Variants in ERG28 observed in about 807,000 individuals in gnomAD.
ERG28 encodes the protein ergosterol biosynthetic protein 28 homolog.
ERG28 carries 9 observed loss-of-function variants against 15.7 expected under a neutral mutation model. That is an observed-to-expected ratio of 0.57 (90% CI 0.35 to 1.00). The LOEUF (loss-of-function observed/expected upper bound fraction) is 1.00, where lower values mean the gene tolerates loss of function less well. Ranked by LOEUF, ERG28 falls within the 50% of genes least tolerant of loss-of-function variation. The pLI, the probability that ERG28 is intolerant of heterozygous loss-of-function variation, is 0.02. For synonymous variants in ERG28, 61 were observed against 68.4 expected (o/e 0.89, Z 0.53); for missense variants, 117 against 173.3 (o/e 0.68, Z 1.82).
In ERG28 at chr14:75,651,584, G is replaced by T. The variant is rs764778066; in HGVS notation, c.394C>A (p.Pro132Thr). Residue 132 changes from proline to threonine, a missense_variant, in exon 5 of 5, where the codon CCA (proline) becomes ACA (threonine). Coordinates refer to ENST00000256319, the MANE Select transcript of ERG28 (RefSeq NM_007176.4). ...LVGLRYLEVE[P>T]VSRQKKRN ...TTTCTCTTCTTCTGTCTGGATACTG[G>T]TTCTACTTCTAGATACCGGAGCCCG... 1 of 1,613,518 alleles carries T rather than the reference G, an allele frequency of 6.2e-7. No individual in the cohort carries two copies. The highest frequency in any genetic ancestry group is 8.5e-7 in the Non-Finnish European group (1 of 1,179,496).
Position 75,654,987 on chromosome 14 carries a change from GA to G in ERG28, c.134-12del. ...CTTGGAGGCCATTCACTGTGTAGCAGAAAAAAGCAAGAGTGTTCAGAAGGGG... is the reference window on the plus strand; with the variant it reads ...CTTGGAGGCCATTCACTGTGTAGCAGAAAAAGCAAGAGTGTTCAGAAGGGG... On this transcript the variant is annotated splice_polypyrimidine_tract_variant and intron_variant, in intron 2 of 4. Transcript: ENST00000256319. The G allele has an allele frequency of 6.2e-7, 1 of 1,609,908 alleles. No homozygotes were observed.
chr14:75,655,037 C>G, intron 2 of ERG28, 61 bp from the exon 3 acceptor site: 1 of 1,495,860 alleles, frequency 6.7e-7, no homozygotes, highest in Non-Finnish European at 9.3e-7. Context: ...CTTCCAAACT[C>G]CTCCTATTTC....
Position 75,651,496 on chromosome 14 carries a change from G to A in ERG28, c.*59C>T, listed in dbSNP as rs764320361. The A allele has an allele frequency of 4.3e-5, 64 of 1,487,440 alleles. No individual in the cohort carries two copies. In the South Asian group the frequency reaches 5.1e-4, roughly 12 times the overall value. The allele number at this position is 1,487,440 out of a possible 1,614,324, so 92.1% of individuals were successfully genotyped here. ...AAAGAAATTAAAGAGGAGAGACGACGAAGGAAGAAGATGGCCAAGGTGGAA... is the reference window on the plus strand; with the variant it reads ...AAAGAAATTAAAGAGGAGAGACGACAAAGGAAGAAGATGGCCAAGGTGGAA... On this transcript the variant is annotated 3_prime_UTR_variant, in exon 5 of 5. Transcript: ENST00000256319.
intron 1 of ERG28, among the ~76,000 whole-genome samples, chr14:75,660,280 A>G (rs1890668081): frequency 6.6e-6 from 1 of 152,160 alleles, no homozygotes; most frequent in Non-Finnish European, 1.5e-5. Flanking sequence ...GAGTGTATAC[A>G]ACATCTATTT....
rs915919582 is a variant in ERG28, at chr14:75,650,465, G to T, written c.*1090C>A. 6.6e-6 allele frequency: 1 copy of T among 152,278 alleles called. No individual in the cohort carries two copies. The highest frequency in any genetic ancestry group is 1.5e-5 in the Non-Finnish European group (1 of 68,070). 9.4% of individuals were successfully genotyped at this position (152,278 alleles called of 1,614,324 possible). A position where few individuals can be genotyped will look rare whatever the true frequency, so the allele number is the denominator to read the frequency against. On this transcript the variant is annotated 3_prime_UTR_variant, in exon 5 of 5. Coordinates refer to ENST00000256319, the MANE Select transcript of ERG28 (RefSeq NM_007176.4). ...TTTTGGATACACACACTGTGTATGA[G>T]GGTCCAGCTGGGGGAGGCCCTCTGG...
Position 75,649,869 on chromosome 14 carries a change from C to T in ERG28, c.*1686G>A, listed in dbSNP as rs1890500636. On this transcript the variant is annotated 3_prime_UTR_variant, in exon 5 of 5. Coordinates refer to ENST00000256319, the MANE Select transcript of ERG28 (RefSeq NM_007176.4). ...AGACTATTCTACCTTCCAGTTGCTG[C>T]TCCCTCCTTTCTAACGGCCTGCTCC... 1 of 152,160 alleles carries T rather than the reference C, an allele frequency of 6.6e-6. No homozygotes were observed. The highest frequency in any genetic ancestry group is 1.5e-5 in the Non-Finnish European group (1 of 68,056). 9.4% of individuals were successfully genotyped at this position (152,160 alleles called of 1,614,324 possible).
At position 75,651,346 on chromosome 14, in the gene ERG28, T is replaced by G; in HGVS notation, c.*209A>C. On this transcript the variant is annotated 3_prime_UTR_variant, in exon 5 of 5. Transcript: ENST00000256319. ...TTGACTTGGATGGAGTTACGTAGTA[T>G]TCACTTTAAAATTATTCTTTAAATT... 2.2e-6 allele frequency: 1 copy of G among 445,030 alleles called. No individual in the cohort carries two copies. Among genetic ancestry groups the G allele is most frequent in the South Asian group, 5.0e-5 (1 of 20,074 alleles). 27.6% of individuals were successfully genotyped at this position (445,030 alleles called of 1,614,324 possible).
Position 75,651,295 on chromosome 14 carries a change from T to G in ERG28, c.*260A>C. ...TTGCAGGTAGGGGAAGGAGACACAGTGGGCTTCCGAGAAGCTGGCAATTTC... is the reference window on the plus strand; with the variant it reads ...TTGCAGGTAGGGGAAGGAGACACAGGGGGCTTCCGAGAAGCTGGCAATTTC... On this transcript the variant is annotated 3_prime_UTR_variant, in exon 5 of 5. Coordinates refer to ENST00000256319, the MANE Select transcript of ERG28 (RefSeq NM_007176.4). The G allele has an allele frequency of 3.2e-6, 1 of 311,474 alleles. No individual in the cohort carries two copies. The highest frequency in any genetic ancestry group is 6.0e-6 in the Non-Finnish European group (1 of 167,596). The allele number at this position is 311,474 out of a possible 1,614,324, so 19.3% of individuals were successfully genotyped here. A position where few individuals can be genotyped will look rare whatever the true frequency, so the allele number is the denominator to read the frequency against.
In ERG28 at chr14:75,651,581, C is replaced by G. The variant is rs183825619; in HGVS notation, c.397G>C (p.Val133Leu). The change falls in exon 5 of 5, where the codon GTA (valine) becomes CTA (leucine). Residue 133 changes from valine (V) to leucine (L), a missense_variant. Coordinates refer to ENST00000256319, the MANE Select transcript of ERG28 (RefSeq NM_007176.4). ...CAGTTTCTCTTCTTCTGTCTGGATACTGGTTCTACTTCTAGATACCGGAGC... is the reference window on the plus strand; with the variant it reads ...CAGTTTCTCTTCTTCTGTCTGGATAGTGGTTCTACTTCTAGATACCGGAGC... The part of the protein sequence containing the change: ...VGLRYLEVEP[V>L]SRQKKRN 168 of 1,613,336 alleles carry G rather than the reference C, an allele frequency of 1.0e-4. 4 individuals are homozygous for G. The South Asian group carries it at 1.7e-3, about 17-fold the overall frequency.
chr14:75,651,986 T>C (rs1170028898), intron 3 of ERG28, 97 bp from the exon 4 acceptor site: 5 of 1,074,086 alleles, frequency 4.7e-6, no homozygotes, highest in Admixed American at 2.1e-5. Context: ...GAACCCAGGA[T>C]GTCATTAAGA....
In ERG28 at chr14:75,651,576, G is replaced by A; in HGVS notation, c.402C>T (p.Ser134=). The change falls in exon 5 of 5, where the codon TCC becomes TCT. Residue 134 remains serine, a synonymous_variant. Transcript: ENST00000256319. ...GLRYLEVEPV[S]RQKKRN ...GGCCTCAGTTTCTCTTCTTCTGTCT[G>A]GATACTGGTTCTACTTCTAGATACC... is the stretch of plus-strand genomic sequence containing the variant. 1 of 1,613,104 alleles carries A rather than the reference G, an allele frequency of 6.2e-7. No homozygotes were observed. The highest frequency in any genetic ancestry group is 2.2e-5 in the East Asian group (1 of 44,834).
intron 3 of ERG28, among the ~76,000 whole-genome samples, chr14:75,652,194 G>A (rs994665291): frequency 6.6e-6 from 1 of 152,194 alleles, no homozygotes; most frequent in African/African-American, 2.4e-5. Flanking sequence ...GACAATCGCA[G>A]GCAGTGTAGA....
In ERG28 at chr14:75,649,875, CCTTT is replaced by C. The variant is rs1890500793; in HGVS notation, c.*1676_*1679del. On this transcript the variant is annotated 3_prime_UTR_variant, in exon 5 of 5. Transcript: ENST00000256319. ...TTCTACCTTCCAGTTGCTGCTCCCTCCTTTCTAACGGCCTGCTCCATATCTTAAG... is the reference window on the plus strand; with the variant it reads ...TTCTACCTTCCAGTTGCTGCTCCCTCCTAACGGCCTGCTCCATATCTTAAG... 1 of 152,254 alleles carries C rather than the reference CCTTT, an allele frequency of 6.6e-6. No homozygotes were observed. Among genetic ancestry groups the C allele is most frequent in the Admixed American group, 6.5e-5 (1 of 15,278 alleles). 9.4% of individuals were successfully genotyped at this position (152,254 alleles called of 1,614,324 possible).
chr14:75,651,495 C>A lies in ERG28; in HGVS notation c.*60G>T. On this transcript the variant is annotated 3_prime_UTR_variant, in exon 5 of 5. Coordinates refer to ENST00000256319, the MANE Select transcript of ERG28 (RefSeq NM_007176.4). ...AAAAGAAATTAAAGAGGAGAGACGA[C>A]GAAGGAAGAAGATGGCCAAGGTGGA... is the stretch of plus-strand genomic sequence containing the variant. 1 of 1,483,424 alleles carries A rather than the reference C, an allele frequency of 6.7e-7. No homozygotes were observed. Among genetic ancestry groups the A allele is most frequent in the Non-Finnish European group, 9.3e-7 (1 of 1,070,742 alleles). 91.9% of individuals were successfully genotyped at this position (1,483,424 alleles called of 1,614,324 possible). A position where few individuals can be genotyped will look rare whatever the true frequency, so the allele number is the denominator to read the frequency against.
intron 2 of ERG28, among the ~76,000 whole-genome samples, chr14:75,656,939 T>C (rs1037264421): frequency 1.6e-4 from 24 of 152,068 alleles, no homozygotes; most frequent in African/African-American, 5.3e-4. Context: ...TTGAGATATA[T>C]GTAAAGCTTC....
In ERG28 at chr14:75,650,438, C is replaced by A. The variant is rs1890508262; in HGVS notation, c.*1117G>T. The A allele has an allele frequency of 6.6e-6, 1 of 152,240 alleles. No homozygotes were observed. Among genetic ancestry groups the A allele is most frequent in the Non-Finnish European group, 1.5e-5 (1 of 68,070 alleles). 9.4% of individuals were successfully genotyped at this position (152,240 alleles called of 1,614,324 possible). A position where few individuals can be genotyped will look rare whatever the true frequency, so the allele number is the denominator to read the frequency against. On this transcript the variant is annotated 3_prime_UTR_variant, in exon 5 of 5. Transcript: ENST00000256319. ...CAAATATTTGCTGAAATAGCAATGG[C>A]CTTTTGGATACACACACTGTGTATG...
At chr14:75,656,054 C>T (rs879911276) in intron 2 of ERG28, among the ~76,000 whole-genome samples, 5 of 152,086 alleles carry the variant, frequency 3.3e-5, no homozygotes, top group Non-Finnish European at 7.4e-5. Flanking sequence ...ATATGCCAAC[C>T]AAATATCTAG....
intron 2 of ERG28, 86 bp downstream of exon 2, chr14:75,657,283 TC>T (rs1379321229): frequency 1.2e-5 from 17 of 1,476,628 alleles, no homozygotes; most frequent in Admixed American, 2.0e-5. Context: ...CCTAGGTTAC[TC>T]TGATGTACAG....
chr14:75,652,598 T>G (rs1566801876), intron 3 of ERG28, among the ~76,000 whole-genome samples: 1 of 152,106 alleles, frequency 6.6e-6, no homozygotes, highest in Non-Finnish European at 1.5e-5. Context: ...TACAAAAAAA[T>G]TACTGAACAC....
Sources: gnomAD v4.1 joint callset for allele counts (sites outside exome capture counted in the v4.1 genomes callset) on GRCh38, gnomAD v4.1.1 for gene constraint, MANE v1.5 for transcripts, NCBI Gene and HGNC (gene_info 2026-07-23, HGNC 2026-07-21) for gene names.